LMNTD1: variants seen among roughly 807,000 people sequenced by gnomAD.
The protein encoded by LMNTD1 is lamin tail domain containing 1.
LMNTD1 carries 35 observed loss-of-function variants against 50.9 expected under a neutral mutation model. The observed-to-expected ratio is 0.69, with a 90% CI of 0.53 to 0.91. The LOEUF (loss-of-function observed/expected upper bound fraction) is 0.91, where lower values mean the gene tolerates loss of function less well. Ranked by LOEUF, LMNTD1 falls within the 40% of genes least tolerant of loss-of-function variation. The probability of loss-of-function intolerance (pLI) is 0.00; values close to 1 mark genes in which losing one functional copy is unlikely to be tolerated. For synonymous variants in LMNTD1, 153 were observed against 161.9 expected (o/e 0.94, Z 0.42); for missense variants, 470 against 475.5 (o/e 0.99, Z 0.11).
At chr12:25,628,655 T>C (rs1223097212) in intron 1 of LMNTD1, among the ~76,000 whole-genome samples, 1 of 152,116 alleles carries the variant, frequency 6.6e-6, no homozygotes, top group East Asian at 1.9e-4. Flanking sequence ...GAGAGGGACA[T>C]AAGAGTCAGA....
At chr12:25,602,040 T>A (rs553977285) in intron 1 of LMNTD1, among the ~76,000 whole-genome samples, 11 of 152,052 alleles carry the variant, frequency 7.2e-5, no homozygotes, top group African/African-American at 2.6e-4. Context: ...GAAACCATGT[T>A]TTAGGTAATA....
intron 9 of LMNTD1, among the ~76,000 whole-genome samples, chr12:25,491,453 A>T (rs999098266): frequency 6.6e-6 from 1 of 152,360 alleles, no homozygotes; most frequent in South Asian, 2.1e-4. Flanking sequence ...TTGATGGAGC[A>T]ACGTAACGTG....
At chr12:25,571,295 T>G (rs1385968681) in intron 1 of LMNTD1, among the ~76,000 whole-genome samples, 1 of 152,194 alleles carries the variant, frequency 6.6e-6, no homozygotes, top group Non-Finnish European at 1.5e-5. Context: ...TGAAATGATT[T>G]TTAGCTTCAG....
intron 1 of LMNTD1, among the ~76,000 whole-genome samples, chr12:25,608,239 A>G (rs1946161064): frequency 6.6e-6 from 1 of 152,096 alleles, no homozygotes; most frequent in Non-Finnish European, 1.5e-5. Context: ...TGCACGTGAG[A>G]TGGGTCTCCT....
intron 1 of LMNTD1, among the ~76,000 whole-genome samples, chr12:25,588,900 A>G (rs1945618159): frequency 6.6e-6 from 1 of 152,220 alleles, no homozygotes; most frequent in South Asian, 2.1e-4. Context: ...CATTATTAGT[A>G]GCCAGGGAAA....
At position 25,561,958 on chromosome 12, in the gene LMNTD1, C is replaced by A. The variant is rs936504214; in HGVS notation, c.59-15404G>T. 4.6e-5 allele frequency among the ~76,000 whole-genome samples: 7 copies of A among 152,116 alleles called. No homozygotes were observed. The South Asian group carries it at 1.5e-3, about 32-fold the overall frequency. ...GTTTCATCAGAGACTAGGATTGCAACCCCTGCTGTTTTATGTTTTCCGTTT... is the reference window on the plus strand; with the variant it reads ...GTTTCATCAGAGACTAGGATTGCAAACCCTGCTGTTTTATGTTTTCCGTTT... On this transcript the variant is annotated intron_variant, in intron 1 of 7. Transcript: ENST00000445693.
At position 25,545,958 on chromosome 12, in the gene LMNTD1, T is replaced by C. The variant is rs183074289; in HGVS notation, c.491+416A>G. On this transcript the variant is annotated intron_variant, in intron 4 of 9. Transcript: ENST00000458174. The stretch of plus-strand genomic sequence containing the variant: ...ATATCAACTTTCTTCCTGATCAATT[T>C]CTTTTTGCATAGATACTAACAGTCA... Among the ~76,000 whole-genome samples, 6 of 151,766 alleles carry C rather than the reference T, an allele frequency of 4.0e-5. No homozygotes were observed. In the East Asian group the frequency reaches 1.2e-3, roughly 29 times the overall value.
chr12:25,519,382 C>T (rs1176428091), intron 7 of LMNTD1, among the ~76,000 whole-genome samples: 13 of 107,016 alleles, frequency 1.2e-4, no homozygotes, highest in African/African-American at 2.2e-4. Flanking sequence ...ACAAGGAGAT[C>T]GAGACCATCC....
At position 25,553,273 on chromosome 12, in the gene LMNTD1, T is replaced by G. The variant is rs1943880113; in HGVS notation, c.-235A>C. 2 of 1,445,108 alleles carry G rather than the reference T, an allele frequency of 1.4e-6. No homozygotes were observed. The highest frequency in any genetic ancestry group is 3.0e-5 in the South Asian group (2 of 66,558). 89.5% of individuals were successfully genotyped at this position (1,445,108 alleles called of 1,614,324 possible). A position where few individuals can be genotyped will look rare whatever the true frequency, so the allele number is the denominator to read the frequency against. ...AGGGCAGTAACTTGGCAAAGAGACC[T>G]TTATGACTACAGTTGTTGCTTCTGG... On this transcript the variant is annotated 5_prime_UTR_variant, in exon 1 of 10. Coordinates refer to ENST00000458174, the MANE Select transcript of LMNTD1 (RefSeq NM_001145728.2).
At chr12:25,495,249 C>CGTGTGTGTGT (rs1207389869) in intron 9 of LMNTD1, among the ~76,000 whole-genome samples, 40,819 of 144,564 alleles carry the variant, frequency 0.28, 7,402 homozygotes, top group Non-Finnish European at 0.41. Flanking sequence ...AAAGTGTGTA[C>CGTGTGTGTGT]GTGTGTGTGT....
intron 1 of LMNTD1, among the ~76,000 whole-genome samples, chr12:25,561,766 G>A (rs142760025): frequency 0.063 from 9,532 of 152,170 alleles, 349 homozygotes; most frequent in African/African-American, 0.092. Flanking sequence ...TTATTATTCT[G>A]TGGGAGTCTA....
chr12:25,543,447 G>A (rs929377469), intron 4 of LMNTD1, among the ~76,000 whole-genome samples: 4 of 151,804 alleles, frequency 2.6e-5, no homozygotes, highest in African/African-American at 9.7e-5. Flanking sequence ...TAAAAGTGAA[G>A]GGATGTTTAA....
rs1197872320 is a variant in LMNTD1, at chr12:25,518,906, CAT to C, written c.1076_1077del (p.Tyr359CysfsTer11). 2 of 1,614,066 alleles carry C rather than the reference CAT, an allele frequency of 1.2e-6. No homozygotes were observed. The highest frequency in any genetic ancestry group is 1.7e-6 in the Non-Finnish European group (2 of 1,179,986). ...AGAGGACAGTAAGGATGTGCAGAGACATAGGGATTCTGGCACCAAGGGCTGCG... is the reference window on the plus strand; with the variant it reads ...AGAGGACAGTAAGGATGTGCAGAGACAGGGATTCTGGCACCAAGGGCTGCG... Reference protein sequence around the residue: ...PNRSPWCQNPYVSAHPYCPLI... With the variant: ...PNRSPWCQNPXVSAHPYCPLI... On this transcript the variant is annotated frameshift_variant, in exon 8 of 10. Coordinates refer to ENST00000458174, the MANE Select transcript of LMNTD1 (RefSeq NM_001145728.2). LOFTEE classifies it high-confidence loss of function.
At chr12:25,551,198 G>C (rs1943725934) in intron 2 of LMNTD1, among the ~76,000 whole-genome samples, 1 of 152,016 alleles carries the variant, frequency 6.6e-6, no homozygotes, top group Non-Finnish European at 1.5e-5. Context: ...TAACAGACTG[G>C]CTATTCTTTT....
chr12:25,602,500 T>C (rs537418599), intron 1 of LMNTD1, among the ~76,000 whole-genome samples: 1 of 152,126 alleles, frequency 6.6e-6, no homozygotes, highest in South Asian at 2.1e-4. Context: ...GGTCAGGAAG[T>C]CATAGGACTA....
intron 1 of LMNTD1, among the ~76,000 whole-genome samples, chr12:25,592,012 A>C (rs1429672033): frequency 1.3e-5 from 2 of 152,182 alleles, no homozygotes; most frequent in Non-Finnish European, 2.9e-5. Flanking sequence ...CTTCTAAAGC[A>C]GATACAACTT....
chr12:25,588,344 T>A (rs1463388970), intron 1 of LMNTD1, among the ~76,000 whole-genome samples: 1 of 152,126 alleles, frequency 6.6e-6, no homozygotes, highest in Non-Finnish European at 1.5e-5. Flanking sequence ...TTATTTAAAT[T>A]TCAACTCAGA....
chr12:25,482,535 A>G (rs1292306006), intron 9 of LMNTD1, among the ~76,000 whole-genome samples: 1 of 152,028 alleles, frequency 6.6e-6, no homozygotes, highest in Non-Finnish European at 1.5e-5. Flanking sequence ...TTTCCTTTGA[A>G]CAAAATCAGC....
At chr12:25,483,769 T>C (rs1288718596) in intron 9 of LMNTD1, among the ~76,000 whole-genome samples, 3 of 28,200 alleles carry the variant, frequency 1.1e-4, no homozygotes, top group African/African-American at 2.0e-4. Context: ...TGACATTCCA[T>C]CTCAAAAAAA....
Sources: allele counts gnomAD v4.1 joint callset (sites outside exome capture counted in the v4.1 genomes callset), GRCh38; gene constraint gnomAD v4.1.1; transcripts MANE v1.5; gene names NCBI Gene and HGNC (gene_info 2026-07-23, HGNC 2026-07-21).